The following AGBL4 variants were observed in gnomAD, a reference collection of about 807,000 sequenced individuals.
AGBL4 encodes the protein cytosolic carboxypeptidase 6.
Under a neutral mutation model 66.4 loss-of-function variants are expected in AGBL4, and 58 were observed. The ratio of observed to expected loss-of-function variants is 0.87; its 90% CI spans 0.71 to 1.09. AGBL4 has a LOEUF of 1.09. AGBL4 is among the 50% of genes least tolerant of loss of function. The pLI, the probability that AGBL4 is intolerant of heterozygous loss-of-function variation, is 0.00. For missense variants in AGBL4, 579 were observed against 631.0 expected (o/e 0.92, Z 0.88); for synonymous variants, 234 against 222.9 (o/e 1.05, Z -0.44).
chr1:49,052,332 A>T (rs1644233345), intron 4 of AGBL4, among the ~76,000 whole-genome samples: 1 of 152,148 alleles, frequency 6.6e-6, no homozygotes, highest in African/African-American at 2.4e-5. Flanking sequence ...ACCCCATGCA[A>T]TGAGAGGCTA....
intron 3 of AGBL4, among the ~76,000 whole-genome samples, chr1:49,471,645 T>C (rs1386293530): frequency 6.6e-6 from 1 of 151,580 alleles, no homozygotes; most frequent in Non-Finnish European, 1.5e-5. Context: ...GAAATGCCAG[T>C]AGGTACAAAC....
At chr1:49,553,852 AT>A (rs1281406995) in intron 3 of AGBL4, among the ~76,000 whole-genome samples, 1 of 152,180 alleles carries the variant, frequency 6.6e-6, no homozygotes, top group African/African-American at 2.4e-5. Flanking sequence ...CTTCTCACAC[AT>A]TTTGGCTGAG....
At chr1:49,782,327 A>G (rs1644356245) in intron 2 of AGBL4, among the ~76,000 whole-genome samples, 1 of 152,170 alleles carries the variant, frequency 6.6e-6, no homozygotes, top group Non-Finnish European at 1.5e-5. Flanking sequence ...CATACTATGA[A>G]CAACTGTCTG....
At chr1:48,831,782 A>C (rs1440515283) in intron 6 of AGBL4, among the ~76,000 whole-genome samples, 3 of 152,208 alleles carry the variant, frequency 2.0e-5, no homozygotes, top group Non-Finnish European at 4.4e-5. Flanking sequence ...ATAAAAACTC[A>C]CTGAATGAAT....
intron 5 of AGBL4, among the ~76,000 whole-genome samples, chr1:48,921,128 T>C (rs1304059149): frequency 6.6e-6 from 1 of 152,048 alleles, no homozygotes; most frequent in Non-Finnish European, 1.5e-5. Flanking sequence ...TACAGCGAGA[T>C]GACAGAGGGA....
chr1:49,416,454 G>C (rs967278952), intron 3 of AGBL4, among the ~76,000 whole-genome samples: 1 of 152,024 alleles, frequency 6.6e-6, no homozygotes, highest in Admixed American at 6.6e-5. Context: ...ATATCTTGGA[G>C]CCACTATTTC....
At chr1:49,350,449 C>G (rs561839622) in intron 3 of AGBL4, among the ~76,000 whole-genome samples, 3 of 151,840 alleles carry the variant, frequency 2.0e-5, no homozygotes, top group Admixed American at 2.0e-4. Flanking sequence ...GTGATCCGCC[C>G]GCCTCGGCCT....
At chr1:48,820,847 T>C (rs1320133857) in intron 6 of AGBL4, among the ~76,000 whole-genome samples, 1 of 152,100 alleles carries the variant, frequency 6.6e-6, no homozygotes, top group African/African-American at 2.4e-5. Context: ...TTGCGAAATA[T>C]GTGTCTGACA....
chr1:48,641,977 C>G (rs72901119), intron 8 of AGBL4, among the ~76,000 whole-genome samples: 1 of 152,020 alleles, frequency 6.6e-6, no homozygotes. Context: ...CGCAAACTGA[C>G]GAAAGGTGCT....
chr1:49,887,901 T>TA (rs1557550495), intron 1 of AGBL4, among the ~76,000 whole-genome samples: 1 of 152,066 alleles, frequency 6.6e-6, no homozygotes, highest in Admixed American at 6.5e-5. Flanking sequence ...ATGATAAAAA[T>TA]AAAAAACTGC....
At chr1:50,012,488 A>T (rs1661623949) in intron 1 of AGBL4, among the ~76,000 whole-genome samples, 1 of 149,996 alleles carries the variant, frequency 6.7e-6, no homozygotes, top group African/African-American at 2.5e-5. Flanking sequence ...CTACATATCC[A>T]GTTTTTTTAA....
At chr1:48,525,203 G>A in the AGBL4 span, among the ~76,000 whole-genome samples, 1 of 152,200 alleles carries the variant, frequency 6.6e-6, no homozygotes, top group Non-Finnish European at 1.5e-5. Context: ...AAAATGGAAA[G>A]TTGAATTGGT....
intron 4 of AGBL4, among the ~76,000 whole-genome samples, chr1:49,047,981 T>C (rs920969343): frequency 2.0e-5 from 3 of 151,980 alleles, no homozygotes; most frequent in African/African-American, 7.2e-5. Flanking sequence ...TGATCTACAT[T>C]TGTGATGGTA....
At chr1:49,846,318 A>G (rs1381621600) in intron 2 of AGBL4, 1 of 1,531,024 alleles carries the variant, frequency 6.5e-7, no homozygotes, top group Non-Finnish European at 9.0e-7. Flanking sequence ...ACAGGAGAGA[A>G]GCCATATGCA....
At chr1:49,544,052 T>A (rs1192469371) in intron 3 of AGBL4, among the ~76,000 whole-genome samples, 1 of 152,186 alleles carries the variant, frequency 6.6e-6, no homozygotes, top group African/African-American at 2.4e-5. Flanking sequence ...ACACTGTGCC[T>A]GCGCTGCCTT....
At chr1:49,711,727 A>C (rs1647681543) in intron 2 of AGBL4, among the ~76,000 whole-genome samples, 1 of 152,052 alleles carries the variant, frequency 6.6e-6, no homozygotes, top group Non-Finnish European at 1.5e-5. Context: ...GTTCAGTTAC[A>C]CAGTACTTTA....
chr1:49,803,405 T>C (rs1644908189), intron 2 of AGBL4, among the ~76,000 whole-genome samples: 1 of 152,146 alleles, frequency 6.6e-6, no homozygotes, highest in Non-Finnish European at 1.5e-5. Flanking sequence ...GCACCACATA[T>C]CCATCACTTA....
intron 6 of AGBL4, among the ~76,000 whole-genome samples, chr1:48,779,710 T>TTTG (rs970851609): frequency 3.8e-4 from 1 of 2,650 alleles, no homozygotes; most frequent in African/African-American, 7.5e-4. Context: ...CTCTCTTTTT[T>TTTG]TTTTTTTTTT....
At chr1:49,773,414 T>C (rs532113209) in intron 2 of AGBL4, among the ~76,000 whole-genome samples, 4 of 152,360 alleles carry the variant, frequency 2.6e-5, no homozygotes, top group African/African-American at 9.6e-5. Flanking sequence ...GTGTTGCTTT[T>C]TTCCATTTTA....
Sources: allele counts gnomAD v4.1 joint callset (sites outside exome capture counted in the v4.1 genomes callset), GRCh38; gene constraint gnomAD v4.1.1; transcripts MANE v1.5; gene names NCBI Gene and HGNC (gene_info 2026-07-23, HGNC 2026-07-21).